Variants in RBFOX3 observed in about 807,000 individuals in gnomAD.
The protein encoded by RBFOX3 is RNA binding protein fox-1 homolog 3.
Under a neutral mutation model 48.7 loss-of-function variants are expected in RBFOX3, and 17 were observed. That is an observed-to-expected ratio of 0.35 (90% CI 0.24 to 0.52). The LOEUF is 0.52. RBFOX3 is among the 20% of genes least tolerant of loss of function. RBFOX3 has a pLI of 0.94. For synonymous variants in RBFOX3, 212 were observed against 209.5 expected (o/e 1.01, Z -0.10); for missense variants, 382 against 497.5 (o/e 0.77, Z 2.21).
At chr17:79,570,591 T>C (rs2092639203) in intron 1 of RBFOX3, among the ~76,000 whole-genome samples, 1 of 152,194 alleles carries the variant, frequency 6.6e-6, no homozygotes, top group Non-Finnish European at 1.5e-5. Context: ...TGTCTGTATC[T>C]GAGTAATGTT....
At chr17:79,630,411 G>A in the RBFOX3 span, among the ~76,000 whole-genome samples, 1 of 152,196 alleles carries the variant, frequency 6.6e-6, no homozygotes, top group Non-Finnish European at 1.5e-5. Flanking sequence ...AGATGCAAAC[G>A]TGTTGCATAA....
intron 1 of RBFOX3, among the ~76,000 whole-genome samples, chr17:79,487,188 C>G (rs2079740213): frequency 6.6e-6 from 1 of 152,114 alleles, no homozygotes; most frequent in Non-Finnish European, 1.5e-5. Context: ...GGGTGAGGCA[C>G]ACAAGGTAGC....
At chr17:79,519,496 C>T (rs2085747502) in intron 1 of RBFOX3, among the ~76,000 whole-genome samples, 1 of 152,244 alleles carries the variant, frequency 6.6e-6, no homozygotes, top group Non-Finnish European at 1.5e-5. Flanking sequence ...CCCTGCTTCC[C>T]TGCTGAGAGG....
chr17:79,490,889 C>T (rs2080392856), intron 1 of RBFOX3, among the ~76,000 whole-genome samples: 2 of 150,786 alleles, frequency 1.3e-5, no homozygotes, highest in Admixed American at 1.3e-4. Flanking sequence ...AGCAAACATG[C>T]TTGAGTGAGT....
intron 2 of RBFOX3, among the ~76,000 whole-genome samples, chr17:79,393,735 T>TGAGCTGGTCATCACGCACATCA (rs2061637831): frequency 6.6e-6 from 1 of 150,778 alleles, no homozygotes; most frequent in Non-Finnish European, 1.5e-5. Flanking sequence ...ACACATCATC[T>TGAGCTGGTCATCACGCACATCA]GAGCTGGTCA....
chr17:79,407,257 C>T (rs916672406), intron 2 of RBFOX3, among the ~76,000 whole-genome samples: 1 of 152,238 alleles, frequency 6.6e-6, no homozygotes, highest in Admixed American at 6.5e-5. Context: ...ATCCACCTGC[C>T]TCGGCCTCCC....
chr17:79,153,988 G>A (rs2045192527), intron 4 of RBFOX3, among the ~76,000 whole-genome samples: 2 of 152,162 alleles, frequency 1.3e-5, no homozygotes, highest in Non-Finnish European at 2.9e-5. Context: ...CGGCAGCCAG[G>A]GAGATGGTTA....
intron 1 of RBFOX3, among the ~76,000 whole-genome samples, chr17:79,526,615 C>T (rs1429206630): frequency 6.6e-6 from 1 of 152,174 alleles, no homozygotes; most frequent in African/African-American, 2.4e-5. Flanking sequence ...AGGGAAAAAC[C>T]ACAAAGGCAA....
rs1201107196 is a variant in RBFOX3, at chr17:79,103,024, G to A, written c.507+138C>T. ...CAGCTGAGCACCCTGGCCTTAGTGC[G>A]ACCCTTCCTCCCACCCCAGGGAACC... On this transcript the variant is annotated intron_variant, in intron 8 of 14. Transcript: ENST00000693108. The surrounding 1 kb of genome is among the most constrained non-coding windows in gnomAD (Gnocchi z 6.1). 2.4e-5 allele frequency: 16 copies of A among 662,626 alleles called. No individual in the cohort carries two copies. Among genetic ancestry groups the A allele is most frequent in the South Asian group, 5.3e-5 (3 of 56,460 alleles). The allele number at this position is 662,626 out of a possible 1,614,324, so 41.0% of individuals were successfully genotyped here. A position where few individuals can be genotyped will look rare whatever the true frequency, so the allele number is the denominator to read the frequency against.
At chr17:79,518,859 G>C (rs984248217) in intron 1 of RBFOX3, among the ~76,000 whole-genome samples, 7 of 152,268 alleles carry the variant, frequency 4.6e-5, no homozygotes, top group African/African-American at 1.7e-4. Flanking sequence ...CTGCTTTCAA[G>C]AGAAACAATT....
intron 1 of RBFOX3, among the ~76,000 whole-genome samples, chr17:79,499,781 T>C (rs1015990771): frequency 2.6e-4 from 39 of 152,354 alleles, no homozygotes; most frequent in Admixed American, 8.5e-4. Flanking sequence ...GGCAGGTACA[T>C]AGTTAGCATT....
At chr17:79,223,697 G>C (rs542266869) in intron 4 of RBFOX3, among the ~76,000 whole-genome samples, 1 of 152,300 alleles carries the variant, frequency 6.6e-6, no homozygotes, top group African/African-American at 2.4e-5. Flanking sequence ...GGAGAAGAAA[G>C]AGGGGCCGGG....
intron 2 of RBFOX3, among the ~76,000 whole-genome samples, chr17:79,419,166 T>C (rs1191046034): frequency 6.6e-6 from 1 of 152,164 alleles, no homozygotes; most frequent in East Asian, 1.9e-4. Flanking sequence ...GCCATGCCTG[T>C]GCACACATGT....
rs1203409581 is a variant in RBFOX3, at chr17:79,507,670, C to A, written c.-319-25072G>T. 2.0e-5 allele frequency among the ~76,000 whole-genome samples: 3 copies of A among 152,282 alleles called. No individual in the cohort carries two copies. In the East Asian group the frequency reaches 5.8e-4, roughly 29 times the overall value. On this transcript the variant is annotated intron_variant, in intron 1 of 14. Coordinates refer to ENST00000693108, the MANE Select transcript of RBFOX3 (RefSeq NM_001350451.2). ...TGGTACTGCCACTCAGAGACATTGGCCACATCTTGCATCCTCAGGAGATGT... is the reference window on the plus strand; with the variant it reads ...TGGTACTGCCACTCAGAGACATTGGACACATCTTGCATCCTCAGGAGATGT...
chr17:79,172,727 T>C (rs949318656), intron 4 of RBFOX3, among the ~76,000 whole-genome samples: 1 of 152,310 alleles, frequency 6.6e-6, no homozygotes, highest in African/African-American at 2.4e-5. Context: ...ACGTGGCTTG[T>C]CTCAACAGAG....
intron 2 of RBFOX3, among the ~76,000 whole-genome samples, chr17:79,329,944 C>T (rs2079964529): frequency 6.6e-6 from 1 of 152,194 alleles, no homozygotes; most frequent in African/African-American, 2.4e-5. Context: ...GAAGAAATCA[C>T]TCATCCCAGG....
In RBFOX3 at chr17:79,309,336, C is replaced by T. The variant is rs534733191; in HGVS notation, c.-174-1512G>A. ...TCTTCCTCCCTCCACCTCTCCTGAG[C>T]CTTCCTCTCCCACCCCGTGGCTCTG... On this transcript the variant is annotated intron_variant, in intron 2 of 14. Transcript: ENST00000693108. Among the ~76,000 whole-genome samples, 59 of 148,418 alleles carry T rather than the reference C, an allele frequency of 4.0e-4. No homozygotes were observed. In the South Asian group the frequency reaches 0.012, roughly 30 times the overall value.
intron 4 of RBFOX3, among the ~76,000 whole-genome samples, chr17:79,143,202 G>A (rs949315853): frequency 6.6e-6 from 1 of 152,158 alleles, no homozygotes; most frequent in Non-Finnish European, 1.5e-5. Flanking sequence ...TGACCGTGGC[G>A]ACTAGCACTG....
chr17:79,183,639 C>A lies in RBFOX3; in HGVS notation c.-34+52127G>T, dbSNP rs111640836. ...GTGCGCGAGAGATCGGGCGAGCGGG[C>A]GAGAGCAGGAGTCAGTCACTTTGGA... On this transcript the variant is annotated intron_variant, in intron 4 of 14. Coordinates refer to ENST00000693108, the MANE Select transcript of RBFOX3 (RefSeq NM_001350451.2). Among the ~76,000 whole-genome samples, 210 of 152,222 alleles carry A rather than the reference C, an allele frequency of 1.4e-3. 1 individual carries two copies. Among genetic ancestry groups the A allele is most frequent in the African/African-American group, 4.8e-3 (198 of 41,548 alleles).
Sources: allele counts gnomAD v4.1 joint callset (sites outside exome capture counted in the v4.1 genomes callset), GRCh38; gene constraint gnomAD v4.1.1; non-coding constraint Gnocchi (gnomAD v3.1); transcripts MANE v1.5; gene names NCBI Gene and HGNC (gene_info 2026-07-23, HGNC 2026-07-21).